CNTNAP2: variants seen among roughly 807,000 people sequenced by gnomAD.
CNTNAP2 encodes the protein contactin associated protein 2, also known as contactin-associated protein-like 2.
In CNTNAP2, 98 loss-of-function variants were observed where a neutral mutation model predicts 155.2. The observed-to-expected ratio is 0.63, with a 90% CI of 0.54 to 0.75. CNTNAP2 has a LOEUF of 0.75. Ranked by LOEUF, CNTNAP2 falls within the 30% of genes least tolerant of loss-of-function variation. CNTNAP2 has a pLI of 0.00. For missense variants in CNTNAP2, 1,727 were observed against 1,688.1 expected (o/e 1.02, Z -0.40); for synonymous variants, 651 against 631.2 (o/e 1.03, Z -0.47).
At chr7:147,042,135 C>T (rs964027730) in intron 3 of CNTNAP2, among the ~76,000 whole-genome samples, 1 of 152,208 alleles carries the variant, frequency 6.6e-6, no homozygotes, top group Non-Finnish European at 1.5e-5. Flanking sequence ...AAATTCAAGA[C>T]ATACTGCTCA....
At chr7:147,803,578 G>A (rs1255273665) in intron 13 of CNTNAP2, among the ~76,000 whole-genome samples, 1 of 152,180 alleles carries the variant, frequency 6.6e-6, no homozygotes, top group African/African-American at 2.4e-5. Flanking sequence ...CAAACCTCAA[G>A]AGGCAAGAAT....
At chr7:147,105,863 A>G (rs184024540) in intron 4 of CNTNAP2, among the ~76,000 whole-genome samples, 169 of 152,110 alleles carry the variant, frequency 1.1e-3, no homozygotes, top group Non-Finnish European at 5.6e-4. Flanking sequence ...ACAACTTACC[A>G]TTTGTAAAGT....
chr7:146,149,151 G>A (rs982719225), intron 1 of CNTNAP2, among the ~76,000 whole-genome samples: 3 of 151,864 alleles, frequency 2.0e-5, no homozygotes, highest in African/African-American at 7.3e-5. Context: ...TGCATGTTGT[G>A]CACATGTACC....
At chr7:147,772,917 T>C (rs1240628221) in intron 13 of CNTNAP2, among the ~76,000 whole-genome samples, 7 of 152,164 alleles carry the variant, frequency 4.6e-5, no homozygotes, top group African/African-American at 1.7e-4. Context: ...ATCAGAGTCA[T>C]ATCCACACCC....
intron 15 of CNTNAP2, among the ~76,000 whole-genome samples, chr7:148,003,463 A>C (rs1019750432): frequency 6.6e-6 from 1 of 152,208 alleles, no homozygotes; most frequent in Non-Finnish European, 1.5e-5. Flanking sequence ...TTTAATCACA[A>C]AAGTACAAGA....
At chr7:148,301,306 A>AAAAAATATATATATATATAT in intron 21 of CNTNAP2, among the ~76,000 whole-genome samples, 2 of 103,868 alleles carry the variant, frequency 1.9e-5, no homozygotes, top group African/African-American at 7.5e-5. Context: ...AAAAAAAAAA[A>AAAAAATATATATATATATAT]ATATATATAT....
In CNTNAP2 at chr7:147,583,318, C is replaced by T. The variant is rs183877531; in HGVS notation, c.1897+21061C>T. Among the ~76,000 whole-genome samples the T allele has an allele frequency of 2.5e-3, 383 of 151,914 alleles. 1 individual carries two copies. Among genetic ancestry groups the T allele is most frequent in the African/African-American group, 6.7e-3 (276 of 41,460 alleles). On this transcript the variant is annotated intron_variant, in intron 12 of 23. Transcript: ENST00000361727. ...ATAAATCACATGAATTGATGACATA[C>T]GGCTAAGCCTGTTTGTTGCATTATT...
chr7:146,782,209 G>A (rs149613219), intron 2 of CNTNAP2: 1 of 151,952 alleles, frequency 6.6e-6, no homozygotes. Context: ...TCACTCACAG[G>A]TAATTCATTA....
intron 13 of CNTNAP2, among the ~76,000 whole-genome samples, chr7:147,697,455 GGATGATTTTCT>G (rs1050738828): frequency 6.6e-6 from 1 of 151,974 alleles, no homozygotes; most frequent in Non-Finnish European, 1.5e-5. Context: ...TAAGTCATGA[GGATGATTTTCT>G]GATAATTTCA....
intron 14 of CNTNAP2, among the ~76,000 whole-genome samples, chr7:147,952,872 T>C (rs1159119140): frequency 6.6e-6 from 1 of 152,196 alleles, no homozygotes; most frequent in South Asian, 2.1e-4. Context: ...GAAATTACTA[T>C]CTACCAATGT....
chr7:147,435,694 T>A (rs1380911638), intron 10 of CNTNAP2, among the ~76,000 whole-genome samples: 2 of 152,172 alleles, frequency 1.3e-5, no homozygotes, highest in African/African-American at 4.8e-5. Context: ...TTGGGTGTGG[T>A]GCCGAGCTCC....
chr7:146,873,788 A>C (rs564410577), intron 3 of CNTNAP2, among the ~76,000 whole-genome samples: 116 of 152,292 alleles, frequency 7.6e-4, no homozygotes, highest in African/African-American at 2.5e-3. Flanking sequence ...TGTTTACTAC[A>C]TTCAGAGAGC....
chr7:146,780,559 A>G (rs752467031), intron 2 of CNTNAP2, among the ~76,000 whole-genome samples: 1 of 151,932 alleles, frequency 6.6e-6, no homozygotes, highest in Non-Finnish European at 1.5e-5. Context: ...TTTGATTTGC[A>G]TTTCTCTAAT....
intron 13 of CNTNAP2, among the ~76,000 whole-genome samples, chr7:147,736,595 T>G (rs2116477039): frequency 6.6e-6 from 1 of 152,270 alleles, no homozygotes; most frequent in African/African-American, 2.4e-5. Flanking sequence ...GAAGTTCTCC[T>G]GAATAATATT....
intron 13 of CNTNAP2, among the ~76,000 whole-genome samples, chr7:147,819,262 C>A (rs1180792626): frequency 2.0e-5 from 3 of 152,148 alleles, no homozygotes; most frequent in Admixed American, 2.0e-4. Context: ...GCTGTACCAG[C>A]ACTAGAAAAA....
intron 15 of CNTNAP2, among the ~76,000 whole-genome samples, chr7:148,031,080 G>A (rs550144506): frequency 3.2e-4 from 48 of 152,130 alleles, no homozygotes; most frequent in Non-Finnish European, 1.0e-4. Flanking sequence ...ACAGGTACTG[G>A]AAGATGGTGG....
At chr7:147,349,707 T>A (rs1016544760) in intron 9 of CNTNAP2, among the ~76,000 whole-genome samples, 13 of 152,106 alleles carry the variant, frequency 8.5e-5, no homozygotes, top group Admixed American at 8.5e-4. Flanking sequence ...AGAGCTGATA[T>A]AATAATTCTG....
chr7:147,188,535 T>A (rs942645934), intron 8 of CNTNAP2, among the ~76,000 whole-genome samples: 1 of 152,180 alleles, frequency 6.6e-6, no homozygotes, highest in Non-Finnish European at 1.5e-5. Flanking sequence ...AGCACCAGAT[T>A]GGGCTTCTGT....
chr7:147,527,015 C>CTTTTCTTTTTTTTTTTTT (rs1562981280), intron 11 of CNTNAP2, among the ~76,000 whole-genome samples: 2 of 65,182 alleles, frequency 3.1e-5, no homozygotes, highest in African/African-American at 1.6e-4. Context: ...ACAGGCATTT[C>CTTTTCTTTTTTTTTTTTT]TTTTTTTTTT....
Sources: allele counts gnomAD v4.1 joint callset (sites outside exome capture counted in the v4.1 genomes callset), GRCh38; gene constraint gnomAD v4.1.1; transcripts MANE v1.5; gene names NCBI Gene and HGNC (gene_info 2026-07-23, HGNC 2026-07-21).